The following TRPC5 variants were observed in gnomAD, a reference collection of about 807,000 sequenced individuals.
The protein encoded by TRPC5 is short transient receptor potential channel 5.
TRPC5 carries 9 observed loss-of-function variants against 56.5 expected under a neutral mutation model. That is an observed-to-expected ratio of 0.16 (90% CI 0.10 to 0.28). TRPC5 has a LOEUF of 0.28. TRPC5 is among the 10% of genes least tolerant of loss of function. The pLI is 1.00. For missense variants in TRPC5, 469 were observed against 748.9 expected (o/e 0.63, Z 4.36); for synonymous variants, 282 against 278.5 (o/e 1.01, Z -0.13).
In TRPC5 at chrX:111,773,221, T is replaced by C. The variant is rs1487635331; in HGVS notation, c.*3092A>G. Among the ~76,000 whole-genome samples the C allele has an allele frequency of 8.9e-6, 1 of 111,801 alleles. No homozygotes were observed. The highest frequency in any genetic ancestry group is 1.9e-5 in the Non-Finnish European group (1 of 53,178). ...TGTAAAGTTTGGCATTTTCCGAAAA[T>C]GATTTTAAATTTAGTCTTTCCTCTG... is the stretch of plus-strand genomic sequence containing the variant. On this transcript the variant is annotated 3_prime_UTR_variant, in exon 11 of 11. Transcript: ENST00000262839.
intron 7 of TRPC5, among the ~76,000 whole-genome samples, chrX:111,819,919 C>T (rs775485105): frequency 3.6e-5 from 4 of 112,005 alleles, no homozygotes; most frequent in East Asian, 2.8e-4. Flanking sequence ...GTCTCAAACT[C>T]GGGAAGCCTG....
rs757263381 is a variant in TRPC5, at chrX:111,995,502, T to A, written c.-21-43061A>T. On this transcript the variant is annotated intron_variant, in intron 1 of 10. Transcript: ENST00000262839. ...ATAAAACGAGTTAGGGAGGATACCC[T>A]CTTTTTCTATTGATTGGAATAGTTT... is the stretch of plus-strand genomic sequence containing the variant. Among the ~76,000 whole-genome samples, 20 of 111,667 alleles carry A rather than the reference T, an allele frequency of 1.8e-4. No individual in the cohort carries two copies. The South Asian group carries it at 7.6e-3, about 42-fold the overall frequency.
chrX:111,965,633 T>C (rs1422096566), intron 1 of TRPC5, among the ~76,000 whole-genome samples: 3 of 111,898 alleles, frequency 2.7e-5, no homozygotes, highest in Non-Finnish European at 3.8e-5. Context: ...TCTCTCAGAC[T>C]ACAGTGCAAT....
intron 7 of TRPC5, among the ~76,000 whole-genome samples, chrX:111,789,719 G>GA (rs1353803227): frequency 8.9e-6 from 1 of 111,952 alleles, no homozygotes; most frequent in Non-Finnish European, 1.9e-5. Context: ...AAATTTACAA[G>GA]AAAAAAGCAA....
intron 9 of TRPC5, among the ~76,000 whole-genome samples, chrX:111,780,117 A>G (rs1945908419): frequency 1.8e-5 from 2 of 111,308 alleles, no homozygotes; most frequent in African/African-American, 6.5e-5. Flanking sequence ...ATTTCCTTCA[A>G]ACGCTGTAGA....
chrX:112,065,327 T>A (rs992290264), intron 1 of TRPC5, among the ~76,000 whole-genome samples: 3 of 111,816 alleles, frequency 2.7e-5, no homozygotes, highest in African/African-American at 9.8e-5. Context: ...ACATATTTCG[T>A]ATTCATTTTT....
intron 1 of TRPC5, among the ~76,000 whole-genome samples, chrX:112,001,368 C>T (rs965186108): frequency 2.7e-5 from 3 of 112,238 alleles, no homozygotes; most frequent in African/African-American, 9.7e-5. Context: ...ACCATACACA[C>T]ATACATTATT....
chrX:112,027,238 G>A (rs964236852), intron 1 of TRPC5, among the ~76,000 whole-genome samples: 207 of 112,027 alleles, frequency 1.8e-3, no homozygotes, highest in African/African-American at 6.3e-3. Context: ...TTGAAAAATA[G>A]ATCCTGTCTC....
intron 1 of TRPC5, among the ~76,000 whole-genome samples, chrX:112,069,042 C>G (rs1342221305): frequency 9.0e-6 from 1 of 111,306 alleles, no homozygotes; most frequent in East Asian, 2.8e-4. Flanking sequence ...GCTTCAAGTT[C>G]TTTATATGTT....
intron 7 of TRPC5, among the ~76,000 whole-genome samples, chrX:111,810,795 A>C (rs1187228684): frequency 8.9e-6 from 1 of 111,926 alleles, no homozygotes; most frequent in East Asian, 2.8e-4. Flanking sequence ...ATTGTTTATC[A>C]AAATTTATAT....
At position 111,776,863 on chromosome X, in the gene TRPC5, C is replaced by A. The variant is rs374332395; in HGVS notation, c.2372G>T (p.Arg791Leu). The A allele has an allele frequency of 8.3e-7, 1 of 1,209,667 alleles. No homozygotes were observed. Among genetic ancestry groups the A allele is most frequent in the Non-Finnish European group, 1.1e-6 (1 of 895,172 alleles). The change falls in exon 11 of 11, where the codon CGG becomes CTG. Residue 791 changes from arginine to leucine, a missense_variant. Arg to Leu is a moderately radical substitution (Grantham distance 102, BLOSUM62 -2). Transcript: ENST00000262839. ...DDNNDGSGGA[R>L]AKSKSVSFNL... ...AAAAGAGACACTCTTGGATTTGGCCCGAGCCCCACCACTGCCATCATTATT... is the reference window on the plus strand; with the variant it reads ...AAAAGAGACACTCTTGGATTTGGCCAGAGCCCCACCACTGCCATCATTATT...
chrX:111,778,599 A>C (rs1228746478), intron 10 of TRPC5, among the ~76,000 whole-genome samples: 1 of 112,174 alleles, frequency 8.9e-6, no homozygotes, highest in South Asian at 3.7e-4. Flanking sequence ...CTTAGATTTA[A>C]TAACAGATTT....
intron 1 of TRPC5, among the ~76,000 whole-genome samples, chrX:112,043,673 A>G (rs1358551292): frequency 9.2e-6 from 1 of 108,769 alleles, no homozygotes; most frequent in Non-Finnish European, 1.9e-5. Context: ...AGCTAGAGAT[A>G]GGGAACTCAA....
chrX:112,036,666 A>G (rs1254178211), intron 1 of TRPC5, among the ~76,000 whole-genome samples: 1 of 111,701 alleles, frequency 9.0e-6, no homozygotes, highest in African/African-American at 3.3e-5. Context: ...CAAGGTTGTG[A>G]CAGTTTCTGC....
At chrX:111,794,067 G>A (rs182709758) in intron 7 of TRPC5, among the ~76,000 whole-genome samples, 2 of 111,478 alleles carry the variant, frequency 1.8e-5, no homozygotes, top group East Asian at 5.6e-4. Flanking sequence ...GGGAATAGGG[G>A]GTATGGGGCT....
At chrX:111,798,978 G>A (rs887807920) in intron 7 of TRPC5, among the ~76,000 whole-genome samples, 22 of 111,995 alleles carry the variant, frequency 2.0e-4, no homozygotes, top group African/African-American at 4.9e-4. Context: ...AGCTTCTGCC[G>A]ATGAAGTGGC....
At chrX:111,833,697 A>G (rs980057852) in intron 7 of TRPC5, among the ~76,000 whole-genome samples, 3 of 111,166 alleles carry the variant, frequency 2.7e-5, no homozygotes, top group African/African-American at 6.6e-5. Context: ...TAACAATAAC[A>G]TTTAAGACAT....
At chrX:111,911,775 C>T (rs1925825437) in intron 3 of TRPC5, among the ~76,000 whole-genome samples, 1 of 111,996 alleles carries the variant, frequency 8.9e-6, no homozygotes, top group Non-Finnish European at 1.9e-5. Flanking sequence ...AGCCTTCTCG[C>T]TAAGGGGCTG....
chrX:111,952,204 C>G lies in TRPC5; in HGVS notation c.217G>C (p.Ala73Pro). 8.3e-7 allele frequency: 1 copy of G among 1,211,879 alleles called. No homozygotes were observed. The highest frequency in any genetic ancestry group is 1.8e-5 in the South Asian group (1 of 56,961). Residue 73 changes from alanine (A) to proline (P), a missense_variant, in exon 2 of 11, where the codon GCC (alanine) becomes CCC (proline). Physicochemically the swap from Ala to Pro is conservative, Grantham distance 27 (BLOSUM62 -1). Around this residue, in one of 3 missense-constraint regions of TRPC5, gnomAD observed 118 missense variants for 167.1 expected, o/e 0.71. Coordinates refer to ENST00000262839, the MANE Select transcript of TRPC5 (RefSeq NM_012471.3). ...TCGTTCTCAATGGCAATGAGCAGGGCACTCCGGCCCAAGGGGTCCATGCAG... is the reference window on the plus strand; with the variant it reads ...TCGTTCTCAATGGCAATGAGCAGGGGACTCCGGCCCAAGGGGTCCATGCAG... The part of the protein sequence containing the change: ...INCMDPLGRS[A>P]LLIAIENENL...
Sources: gnomAD v4.1 joint callset for allele counts (sites outside exome capture counted in the v4.1 genomes callset) on GRCh38, gnomAD v4.1.1 for gene constraint, gnomAD v4.1.1 regional missense constraint, MANE v1.5 for transcripts, NCBI Gene and HGNC (gene_info 2026-07-23, HGNC 2026-07-21) for gene names.